F13A1: variants seen among roughly 807,000 people sequenced by gnomAD.
F13A1 encodes coagulation factor XIII A chain.
F13A1 carries 47 observed loss-of-function variants against 80.1 expected under a neutral mutation model. The ratio of observed to expected loss-of-function variants is 0.59; its 90% CI spans 0.46 to 0.75. F13A1 has a LOEUF of 0.75. F13A1 is among the 30% of genes least tolerant of loss of function. The pLI, the probability that F13A1 is intolerant of heterozygous loss-of-function variation, is 0.00. For missense variants in F13A1, 817 were observed against 930.4 expected (o/e 0.88, Z 1.59); for synonymous variants, 349 against 344.9 (o/e 1.01, Z -0.13).
chr6:6,196,456 G>T (rs2151082422), intron 9 of F13A1, among the ~76,000 whole-genome samples: 1 of 152,302 alleles, frequency 6.6e-6, no homozygotes, highest in East Asian at 1.9e-4. Flanking sequence ...TTAGTCACCT[G>T]TAAAATGTCC....
chr6:6,145,462 G>T lies in F13A1; in HGVS notation c.*157C>A. 1.1e-6 allele frequency: 1 copy of T among 914,102 alleles called. No individual in the cohort carries two copies. The highest frequency in any genetic ancestry group is 1.7e-6 in the Non-Finnish European group (1 of 574,052). 56.6% of individuals were successfully genotyped at this position (914,102 alleles called of 1,614,324 possible). On this transcript the variant is annotated 3_prime_UTR_variant, in exon 15 of 15. Coordinates refer to ENST00000264870, the MANE Select transcript of F13A1 (RefSeq NM_000129.4). ...GAATAGCCTGGGTTTGGAAAAGCAT[G>T]TTTTTGAAATATGTGGGATCTCCAC...
At chr6:6,257,857 G>T (rs1196982784) in intron 4 of F13A1, among the ~76,000 whole-genome samples, 1 of 152,178 alleles carries the variant, frequency 6.6e-6, no homozygotes, top group Non-Finnish European at 1.5e-5. Context: ...TCAGAAGATA[G>T]ACTATTATTC....
chr6:6,202,367 A>C (rs12662743), intron 8 of F13A1, among the ~76,000 whole-genome samples: 2,779 of 152,236 alleles, frequency 0.018, 60 homozygotes, highest in African/African-American at 0.047. Context: ...GCATAAATCT[A>C]CTTTGGGAGC....
intron 13 of F13A1, among the ~76,000 whole-genome samples, chr6:6,166,459 C>A (rs1183322633): frequency 6.6e-6 from 1 of 152,208 alleles, no homozygotes; most frequent in Non-Finnish European, 1.5e-5. Flanking sequence ...GATTTATCTA[C>A]CACTTTAGAG....
At position 6,162,547 on chromosome 6, in the gene F13A1, C is replaced by CT. The variant is rs751285964; in HGVS notation, c.1908+4910dup. 6.6e-6 allele frequency among the ~76,000 whole-genome samples: 1 copy of CT among 152,226 alleles called. No individual in the cohort carries two copies. Among genetic ancestry groups the CT allele is most frequent in the Non-Finnish European group, 1.5e-5 (1 of 68,040 alleles). ...TGATAGTTCCATTGTAGCCCAGCGGCTGCCAGCACAGGCTTCCAAGTCAGG... is the reference window on the plus strand; with the variant it reads ...TGATAGTTCCATTGTAGCCCAGCGGCTTGCCAGCACAGGCTTCCAAGTCAGG... On this transcript the variant is annotated intron_variant, in intron 13 of 14. Transcript: ENST00000264870. This position sits in a 1 kb window ranked among gnomAD's most constrained non-coding sequence, Gnocchi z 4.2.
intron 8 of F13A1, among the ~76,000 whole-genome samples, chr6:6,213,181 C>A (rs543304339): frequency 4.6e-5 from 7 of 152,092 alleles, no homozygotes; most frequent in African/African-American, 1.7e-4. Flanking sequence ...ACAGAGAACA[C>A]CACAAAGATA....
chr6:6,168,381 C>T (rs1049392808), intron 12 of F13A1, among the ~76,000 whole-genome samples: 1 of 151,904 alleles, frequency 6.6e-6, no homozygotes, highest in Non-Finnish European at 1.5e-5. Context: ...ATGGTGAGTT[C>T]TATCTTGTGG....
intron 3 of F13A1, among the ~76,000 whole-genome samples, chr6:6,280,138 C>A (rs781074254): frequency 2.0e-5 from 3 of 151,986 alleles, no homozygotes; most frequent in Non-Finnish European, 4.4e-5. Flanking sequence ...TGGATATTTA[C>A]AATACATACT....
chr6:6,186,272 G>T (rs1761078837), intron 10 of F13A1, among the ~76,000 whole-genome samples: 1 of 151,640 alleles, frequency 6.6e-6, no homozygotes, highest in Non-Finnish European at 1.5e-5. Context: ...ATTGCTTTTG[G>T]TGTTTTAGAC....
At chr6:6,287,021 C>T (rs150686141) in intron 3 of F13A1, among the ~76,000 whole-genome samples, 266 of 152,288 alleles carry the variant, frequency 1.7e-3, no homozygotes, top group African/African-American at 6.0e-3. Flanking sequence ...GGAACTATCA[C>T]GAAGCAGTTC....
Position 6,266,773 on chromosome 6 carries a change from G to A in F13A1, c.356C>T (p.Pro119Leu). ...TTGTAACTCTGAGACTATAGGCACT[G>A]GGATGTAGGTTCCCTTGTTCTCCTG... ...YPQENKGTYIPVPIVSELQSG... is the reference protein window; with the variant it reads ...YPQENKGTYILVPIVSELQSG... Residue 119 changes from proline to leucine, a missense_variant, in exon 4 of 15, where the codon CCA becomes CTA. Physicochemically the swap from Pro to Leu is moderately conservative, Grantham distance 98. Transcript: ENST00000264870. 1 of 1,614,182 alleles carries A rather than the reference G, an allele frequency of 6.2e-7. No individual in the cohort carries two copies. Among genetic ancestry groups the A allele is most frequent in the Non-Finnish European group, 8.5e-7 (1 of 1,180,024 alleles).
intron 10 of F13A1, among the ~76,000 whole-genome samples, chr6:6,190,927 T>C (rs1404361451): frequency 6.6e-6 from 1 of 152,036 alleles, no homozygotes; most frequent in Non-Finnish European, 1.5e-5. Context: ...AATCTCGTGG[T>C]GCGCCGTTTT....
chr6:6,218,247 T>C (rs771155918), intron 8 of F13A1, among the ~76,000 whole-genome samples: 1 of 152,200 alleles, frequency 6.6e-6, no homozygotes, highest in Non-Finnish European at 1.5e-5. Context: ...CTGTGACCTT[T>C]GTATAATGAG....
Position 6,145,208 on chromosome 6 carries a change from T to G in F13A1, c.*411A>C. ...GGGGACTGGAATTCTAGAGCCCAAA[T>G]CATGTGCTATTATTCCCAAAAGGCT... On this transcript the variant is annotated 3_prime_UTR_variant, in exon 15 of 15. Transcript: ENST00000264870. The G allele has an allele frequency of 4.3e-6, 1 of 235,284 alleles. No individual in the cohort carries two copies. Among genetic ancestry groups the G allele is most frequent in the Non-Finnish European group, 8.5e-6 (1 of 118,084 alleles). The allele number at this position is 235,284 out of a possible 1,614,324, so 14.6% of individuals were successfully genotyped here.
At chr6:6,267,028 A>T (rs1757855269) in intron 3 of F13A1, among the ~76,000 whole-genome samples, 4 of 152,214 alleles carry the variant, frequency 2.6e-5, no homozygotes, top group African/African-American at 7.2e-5. Context: ...TCTATAAAGC[A>T]TGTAGAGGAT....
rs767838396 is a variant in F13A1 at position 6,167,536 on chromosome 6, T to C, written c.1830A>G (p.Thr610=). Residue 610 remains threonine (T), a synonymous_variant, in exon 13 of 15, where the codon ACA becomes ACG. Coordinates refer to ENST00000264870, the MANE Select transcript of F13A1 (RefSeq NM_000129.4). ...LEQASLHFFV[T]ARINETRDVL... is the part of the protein sequence containing the mutation. ...CATCCCTGGTCTCATTGATGCGAGC[T>C]GTGACAAAGAAGTGCAGGGACGCTT... 1.9e-6 allele frequency: 3 copies of C among 1,613,928 alleles called. No homozygotes were observed. Among genetic ancestry groups the C allele is most frequent in the African/African-American group, 2.7e-5 (2 of 74,890 alleles).
rs375359206 is a variant in F13A1 at position 6,248,353 on chromosome 6, T to G, written c.757A>C (p.Arg253=). 3 of 1,613,820 alleles carry G rather than the reference T, an allele frequency of 1.9e-6. No individual in the cohort carries two copies. The African/African-American group carries it at 4.0e-5, about 22-fold the overall frequency. Residue 253 remains arginine, a synonymous_variant, in exon 6 of 15, where the codon AGA becomes CGA. Coordinates refer to ENST00000264870, the MANE Select transcript of F13A1 (RefSeq NM_000129.4). ...MDRAQMDLSG[R]GNPIKVSRVG... is the part of the protein sequence containing the mutation. Reference sequence around the variant, plus strand: ...CGGCTGACTTTGATGGGATTCCCTCTTCCAGAGAGGTCCATTTGTGCTCTG... The same window carrying G: ...CGGCTGACTTTGATGGGATTCCCTCGTCCAGAGAGGTCCATTTGTGCTCTG...
chr6:6,255,241 G>A (rs965270758), intron 4 of F13A1, among the ~76,000 whole-genome samples: 2 of 152,038 alleles, frequency 1.3e-5, no homozygotes, highest in Admixed American at 6.5e-5. Context: ...GTAGTAGCAT[G>A]TAAATAAGCA....
At chr6:6,292,940 G>C (rs1055286216) in intron 3 of F13A1, among the ~76,000 whole-genome samples, 1 of 152,184 alleles carries the variant, frequency 6.6e-6, no homozygotes, top group Admixed American at 6.5e-5. Context: ...TACAGCTAAG[G>C]GTAGCAAATG....
Sources: allele counts gnomAD v4.1 joint callset (sites outside exome capture counted in the v4.1 genomes callset), GRCh38; gene constraint gnomAD v4.1.1; non-coding constraint Gnocchi (gnomAD v3.1); transcripts MANE v1.5; gene names NCBI Gene and HGNC (gene_info 2026-07-23, HGNC 2026-07-21).